The following TECRL variants were observed in gnomAD, a reference collection of about 807,000 sequenced individuals.
TECRL encodes the protein trans-2,3-enoyl-CoA reductase-like.
In TECRL, 63 loss-of-function variants were observed where a neutral mutation model predicts 52.8. The ratio of observed to expected loss-of-function variants is 1.19; its 90% CI spans 0.97 to 1.47. The LOEUF (loss-of-function observed/expected upper bound fraction) is 1.47. Ranked by LOEUF, TECRL falls within the 40% of genes most tolerant of loss-of-function variation. The pLI is 0.00. For synonymous variants in TECRL, 164 were observed against 141.9 expected (o/e 1.16, Z -1.10); for missense variants, 482 against 429.6 (o/e 1.12, Z -1.08).
At chr4:64,406,969 G>A (rs751101846) in intron 1 of TECRL, among the ~76,000 whole-genome samples, 87 of 149,962 alleles carry the variant, frequency 5.8e-4, no homozygotes, top group Non-Finnish European at 9.9e-4. Flanking sequence ...AAATAAATCA[G>A]TCTTTTTTAT....
At chr4:64,386,199 A>G (rs1156534491) in intron 1 of TECRL, among the ~76,000 whole-genome samples, 1 of 152,188 alleles carries the variant, frequency 6.6e-6, no homozygotes, top group African/African-American at 2.4e-5. Flanking sequence ...GCATCTATAT[A>G]ATTACAGCAT....
At chr4:64,391,466 T>C (rs1723543752) in intron 1 of TECRL, among the ~76,000 whole-genome samples, 1 of 151,880 alleles carries the variant, frequency 6.6e-6, no homozygotes. Flanking sequence ...GTCCTATATG[T>C]ATTAGGCAAA....
chr4:64,350,471 G>A (rs1209319544), intron 2 of TECRL, among the ~76,000 whole-genome samples: 3 of 151,988 alleles, frequency 2.0e-5, no homozygotes, highest in African/African-American at 7.3e-5. Context: ...ACATGATTCT[G>A]GATGTTTCTA....
chr4:64,313,151 T>G (rs1262515133), intron 5 of TECRL, among the ~76,000 whole-genome samples: 3 of 152,204 alleles, frequency 2.0e-5, no homozygotes, highest in African/African-American at 7.2e-5. Flanking sequence ...GCTGGAGTAC[T>G]GTAATTAAAG....
chr4:64,298,902 C>T (rs1380933960), intron 8 of TECRL: 4 of 151,078 alleles, frequency 2.6e-5, no homozygotes, highest in South Asian at 2.1e-4. Flanking sequence ...GGTTGTAGTA[C>T]GCTGTATACA....
chr4:64,279,864 G>T lies in TECRL; in HGVS notation c.*208C>A. 1 of 1,110,044 alleles carries T rather than the reference G, an allele frequency of 9.0e-7. No individual in the cohort carries two copies. The highest frequency in any genetic ancestry group is 1.1e-6 in the Non-Finnish European group (1 of 910,540). 68.8% of individuals were successfully genotyped at this position (1,110,044 alleles called of 1,614,324 possible). On this transcript the variant is annotated 3_prime_UTR_variant, in exon 12 of 12. Coordinates refer to ENST00000381210, the MANE Select transcript of TECRL (RefSeq NM_001010874.5). Reference sequence around the variant, plus strand: ...ATCCCATGCAAATACATTCAGAGCTGTTCTTAGTTAATTGCATTTATAATT... The same window carrying T: ...ATCCCATGCAAATACATTCAGAGCTTTTCTTAGTTAATTGCATTTATAATT...
At chr4:64,281,939 C>T (rs973439592) in intron 9 of TECRL, among the ~76,000 whole-genome samples, 3 of 151,800 alleles carry the variant, frequency 2.0e-5, no homozygotes, top group Admixed American at 1.3e-4. Context: ...TCACATTCCC[C>T]TTTACTATCA....
intron 2 of TECRL, among the ~76,000 whole-genome samples, chr4:64,351,770 A>G (rs1720406579): frequency 6.6e-6 from 1 of 152,230 alleles, no homozygotes; most frequent in Non-Finnish European, 1.5e-5. Flanking sequence ...CATTTTTAAT[A>G]AAAAGCGTGG....
intron 9 of TECRL, among the ~76,000 whole-genome samples, chr4:64,287,644 T>C (rs990734996): frequency 1.3e-5 from 2 of 152,148 alleles, no homozygotes; most frequent in African/African-American, 4.8e-5. Flanking sequence ...TAGAAGTAAC[T>C]GAGTTTTTGC....
At chr4:64,296,181 C>A (rs1487058600) in intron 8 of TECRL, among the ~76,000 whole-genome samples, 2 of 151,752 alleles carry the variant, frequency 1.3e-5, no homozygotes, top group East Asian at 3.9e-4. Context: ...GCATCTTATC[C>A]ATAAATGCCA....
intron 1 of TECRL, among the ~76,000 whole-genome samples, chr4:64,403,898 G>T (rs1215474106): frequency 1.3e-5 from 2 of 151,764 alleles, no homozygotes; most frequent in Non-Finnish European, 2.9e-5. Flanking sequence ...ACTGTCATTT[G>T]CATGTACACG....
At chr4:64,376,926 G>A (rs148809188) in intron 1 of TECRL, among the ~76,000 whole-genome samples, 4 of 151,942 alleles carry the variant, frequency 2.6e-5, no homozygotes, top group Non-Finnish European at 2.9e-5. Flanking sequence ...AAATAAAGCT[G>A]TGAGTGCAAA....
In TECRL at chr4:64,337,716, A is replaced by G. The variant is rs1313883679; in HGVS notation, c.287-9160T>C. On this transcript the variant is annotated intron_variant, in intron 2 of 11. Coordinates refer to ENST00000381210, the MANE Select transcript of TECRL (RefSeq NM_001010874.5). ...AATAAAATACCTAGGAATCCAACTT[A>G]CAAGGGATATGAAGGACCTCTTCAA... Among the ~76,000 whole-genome samples, 14 of 152,328 alleles carry G rather than the reference A, an allele frequency of 9.2e-5. No homozygotes were observed. In the East Asian group the frequency reaches 2.7e-3, roughly 29 times the overall value.
intron 1 of TECRL, among the ~76,000 whole-genome samples, chr4:64,379,303 T>C (rs937832791): frequency 2.0e-5 from 3 of 149,386 alleles, no homozygotes; most frequent in South Asian, 2.1e-4. Flanking sequence ...CCTTGAACAA[T>C]GCAGAGGTGC....
intron 2 of TECRL, among the ~76,000 whole-genome samples, chr4:64,370,014 T>A (rs966230393): frequency 2.0e-5 from 3 of 151,932 alleles, no homozygotes; most frequent in Non-Finnish European, 4.4e-5. Context: ...AAGGCATATA[T>A]ATCTTGATAA....
chr4:64,291,248 T>C (rs1723367166), intron 8 of TECRL, among the ~76,000 whole-genome samples: 1 of 152,110 alleles, frequency 6.6e-6, no homozygotes, highest in African/African-American at 2.4e-5. Flanking sequence ...AAAATTATTG[T>C]GATAATTTTA....
chr4:64,334,017 C>A (rs1360881416), intron 2 of TECRL, among the ~76,000 whole-genome samples: 1 of 28,164 alleles, frequency 3.6e-5, no homozygotes, highest in Non-Finnish European at 1.0e-4. Flanking sequence ...GGCGACAGAG[C>A]GAGACTCCGT....
chr4:64,304,556 T>C (rs1408925595), intron 7 of TECRL, among the ~76,000 whole-genome samples: 1 of 152,090 alleles, frequency 6.6e-6, no homozygotes, highest in African/African-American at 2.4e-5. Context: ...GAGCTTTACA[T>C]TGTGTGCCTT....
At chr4:64,299,247 G>A (rs1000827944) in intron 8 of TECRL, 3 of 151,096 alleles carry the variant, frequency 2.0e-5, no homozygotes, top group Non-Finnish European at 3.0e-5. Flanking sequence ...GGTGATTTAT[G>A]ACCTGTATTA....
Sources: gnomAD v4.1 joint callset for allele counts (sites outside exome capture counted in the v4.1 genomes callset) on GRCh38, gnomAD v4.1.1 for gene constraint, MANE v1.5 for transcripts, NCBI Gene and HGNC (gene_info 2026-07-23, HGNC 2026-07-21) for gene names.